ZC3H8: variants seen among roughly 807,000 people sequenced by gnomAD.
ZC3H8 encodes zinc finger CCCH-type containing 8, also known as zinc finger CCCH domain-containing protein 8.
In ZC3H8, 27 loss-of-function variants were observed where a neutral mutation model predicts 42.5. That is an observed-to-expected ratio of 0.64 (90% CI 0.47 to 0.88). ZC3H8 has a LOEUF of 0.88. ZC3H8 is among the 40% of genes least tolerant of loss of function. The pLI is 0.00. For synonymous variants in ZC3H8, 101 were observed against 110.1 expected (o/e 0.92, Z 0.52); for missense variants, 277 against 336.1 (o/e 0.82, Z 1.37).
At chr2:112,217,164 T>C (rs957286491) in intron 8 of ZC3H8, among the ~76,000 whole-genome samples, 8 of 151,912 alleles carry the variant, frequency 5.3e-5, no homozygotes, top group Non-Finnish European at 1.0e-4. Context: ...AGCTCAGGAG[T>C]TCGAGACCAG....
intron 2 of ZC3H8, among the ~76,000 whole-genome samples, chr2:112,243,730 G>A (rs1685664745): frequency 6.6e-6 from 1 of 151,928 alleles, no homozygotes; most frequent in Admixed American, 6.6e-5. Context: ...TTTGCTTCTT[G>A]CCTTAAAAAC....
rs1381598023 is a variant in ZC3H8, at chr2:112,215,218, G to C, written c.*1266C>G. 1 of 152,132 alleles carries C rather than the reference G, an allele frequency of 6.6e-6. No individual in the cohort carries two copies. Among genetic ancestry groups the C allele is most frequent in the African/African-American group, 2.4e-5 (1 of 41,442 alleles). The allele number at this position is 152,132 out of a possible 1,614,324, so 9.4% of individuals were successfully genotyped here. A position where few individuals can be genotyped will look rare whatever the true frequency, so the allele number is the denominator to read the frequency against. The stretch of plus-strand genomic sequence containing the variant: ...CCTATTTATTCCCTTTCTATGCAAT[G>C]AATTGCATTATCCACTGTATAAGGT... On this transcript the variant is annotated 3_prime_UTR_variant, in exon 9 of 9. Coordinates refer to ENST00000409573, the MANE Select transcript of ZC3H8 (RefSeq NM_032494.3).
intron 6 of ZC3H8, 147 bp downstream of exon 6, chr2:112,233,113 C>G (rs1029873335): frequency 2.8e-5 from 15 of 542,474 alleles, no homozygotes; most frequent in African/African-American, 2.4e-4. Context: ...AAAAAATCCA[C>G]GTACAATTTA....
At chr2:112,227,832 A>G (rs188421915) in intron 8 of ZC3H8, among the ~76,000 whole-genome samples, 487 of 152,358 alleles carry the variant, frequency 3.2e-3, no homozygotes, top group Non-Finnish European at 5.2e-3. Context: ...AAATAAATGG[A>G]GAGACATTCC....
intron 8 of ZC3H8, among the ~76,000 whole-genome samples, chr2:112,225,517 C>G (rs1684783878): frequency 6.6e-6 from 1 of 152,006 alleles, no homozygotes; most frequent in Non-Finnish European, 1.5e-5. Flanking sequence ...AGATTAAAAG[C>G]CTCAATGTCA....
intron 8 of ZC3H8, among the ~76,000 whole-genome samples, chr2:112,230,232 C>G (rs1450749075): frequency 6.6e-6 from 1 of 152,052 alleles, no homozygotes; most frequent in Admixed American, 6.6e-5. Flanking sequence ...AAAGTACTGG[C>G]AAGTGTAGAA....
At chr2:112,241,006 G>GTT (rs1365651927) in intron 2 of ZC3H8, among the ~76,000 whole-genome samples, 1 of 129,390 alleles carries the variant, frequency 7.7e-6, no homozygotes, top group Non-Finnish European at 1.7e-5. Context: ...TGTGTGTTGT[G>GTT]TTTTGTGTGT....
At chr2:112,218,761 A>G (rs943643999) in intron 8 of ZC3H8, among the ~76,000 whole-genome samples, 1 of 152,192 alleles carries the variant, frequency 6.6e-6, no homozygotes, top group African/African-American at 2.4e-5. Context: ...GGCTATTATT[A>G]GTTATGATTT....
At chr2:112,219,841 C>T (rs1485529901) in intron 8 of ZC3H8, among the ~76,000 whole-genome samples, 1 of 152,222 alleles carries the variant, frequency 6.6e-6, no homozygotes, top group South Asian at 2.1e-4. Context: ...CCTACCTCAA[C>T]GATCTAATAC....
chr2:112,235,482 A>C (rs1685278943), intron 4 of ZC3H8, among the ~76,000 whole-genome samples: 1 of 152,212 alleles, frequency 6.6e-6, no homozygotes, highest in Admixed American at 6.5e-5. Context: ...TACCTGAACC[A>C]CAGGGCTTCA....
chr2:112,252,056 T>C (rs1043852683), intron 1 of ZC3H8, among the ~76,000 whole-genome samples: 1 of 152,240 alleles, frequency 6.6e-6, no homozygotes, highest in Admixed American at 6.5e-5. Context: ...CTCATCTATA[T>C]TCTCATTCCA....
intron 8 of ZC3H8, among the ~76,000 whole-genome samples, chr2:112,228,591 C>T (rs1684953061): frequency 6.6e-6 from 1 of 151,006 alleles, no homozygotes; most frequent in African/African-American, 2.4e-5. Context: ...AAAATTAACT[C>T]AAAATGAATC....
intron 2 of ZC3H8, among the ~76,000 whole-genome samples, chr2:112,239,394 C>T (rs1487240731): frequency 6.6e-6 from 1 of 152,106 alleles, no homozygotes; most frequent in Admixed American, 6.6e-5. Flanking sequence ...ATTCTGATGT[C>T]ACGAAGAAAT....
chr2:112,252,630 C>G lies in ZC3H8; in HGVS notation c.74+2278G>C, dbSNP rs150661256. On this transcript the variant is annotated intron_variant, in intron 1 of 8. Transcript: ENST00000409573. The stretch of plus-strand genomic sequence containing the variant: ...CTCCCCTAACCCTACCCCAGTACCT[C>G]GCAGACTTCCAAGTCCCTCTTACTC... 1.2e-3 allele frequency among the ~76,000 whole-genome samples: 187 copies of G among 152,240 alleles called. 3 individuals are homozygous for G. In the East Asian group the frequency reaches 0.028, roughly 23 times the overall value.
chr2:112,238,675 C>A, intron 2 of ZC3H8, 147 bp from the exon 3 acceptor site: 1 of 497,086 alleles, frequency 2.0e-6, no homozygotes, highest in Non-Finnish European at 3.3e-6. Context: ...TCTCTCCACT[C>A]ATATATTTGA....
chr2:112,244,988 A>C (rs1685706813), intron 2 of ZC3H8, among the ~76,000 whole-genome samples: 1 of 152,246 alleles, frequency 6.6e-6, no homozygotes, highest in South Asian at 2.1e-4. Flanking sequence ...GCTAGAAATG[A>C]TTAAGCTTAG....
At chr2:112,236,785 G>T in intron 3 of ZC3H8, 90 bp from the exon 4 acceptor site, 1 of 1,174,906 alleles carries the variant, frequency 8.5e-7, no homozygotes, top group Non-Finnish European at 1.2e-6. Flanking sequence ...AGTGGCTCAT[G>T]TCTGTAATCC....
chr2:112,219,144 C>G (rs1375996513), intron 8 of ZC3H8, among the ~76,000 whole-genome samples: 1 of 152,052 alleles, frequency 6.6e-6, no homozygotes, highest in Non-Finnish European at 1.5e-5. Context: ...TAGCCAAAAT[C>G]TTGAAAAAGA....
At chr2:112,250,615 A>G (rs539457116) in intron 1 of ZC3H8, among the ~76,000 whole-genome samples, 13 of 152,358 alleles carry the variant, frequency 8.5e-5, no homozygotes, top group African/African-American at 2.9e-4. Context: ...GACTACAACA[A>G]TGAAAAATAC....
Sources: gnomAD v4.1 joint callset for allele counts (sites outside exome capture counted in the v4.1 genomes callset) on GRCh38, gnomAD v4.1.1 for gene constraint, MANE v1.5 for transcripts, NCBI Gene and HGNC (gene_info 2026-07-23, HGNC 2026-07-21) for gene names.